The following DNAJC5 variants were observed in gnomAD, a reference collection of about 807,000 sequenced individuals.
DNAJC5 encodes DnaJ heat shock protein family (Hsp40) member C5.
DNAJC5 carries 1 observed loss-of-function variant against 23.2 expected under a neutral mutation model. The ratio of observed to expected loss-of-function variants is 0.04; its 90% confidence interval spans 0.02 to 0.20. The LOEUF (loss-of-function observed/expected upper bound fraction) is 0.20, where lower values mean the gene tolerates loss of function less well. Among genes scored for constraint, DNAJC5 ranks in the 10% least tolerant of loss-of-function variants. DNAJC5 has a pLI of 1.00. For synonymous variants in DNAJC5, 136 were observed against 120.0 expected (o/e 1.13, Z -0.87); for missense variants, 180 against 267.0 (o/e 0.67, Z 2.27).
At chr20:63,925,968 C>T (rs1368542481) in intron 1 of DNAJC5, among the ~76,000 whole-genome samples, 1 of 151,870 alleles carries the variant, frequency 6.6e-6, no homozygotes, top group Non-Finnish European at 1.5e-5. Context: ...GCTGGGACTA[C>T]AGGTGCCTGC....
At position 63,932,593 on chromosome 20, in the gene DNAJC5, C is replaced by G. The variant is rs1438428874; in HGVS notation, c.*1025C>G. The stretch of plus-strand genomic sequence containing the variant: ...ACTGGGGACGGGGGCTCTCCCACGA[C>G]CCCTCCTCCTGTGTTTGCCAGAGCT... On this transcript the variant is annotated 3_prime_UTR_variant, in exon 5 of 5. Coordinates refer to ENST00000360864, the MANE Select transcript of DNAJC5 (RefSeq NM_025219.3). The surrounding 1 kb of genome is among the most constrained non-coding windows in gnomAD (Gnocchi z 4.4). 1 of 152,620 alleles carries G rather than the reference C, an allele frequency of 6.6e-6. No individual in the cohort carries two copies. The highest frequency in any genetic ancestry group is 2.4e-5 in the African/African-American group (1 of 41,458). 9.5% of individuals were successfully genotyped at this position (152,620 alleles called of 1,614,324 possible).
intron 1 of DNAJC5, among the ~76,000 whole-genome samples, chr20:63,910,988 A>G (rs2053479576): frequency 6.6e-6 from 1 of 152,156 alleles, no homozygotes; most frequent in Non-Finnish European, 1.5e-5. Flanking sequence ...CTTTGTATTC[A>G]AATGTATATC....
At position 63,931,128 on chromosome 20, in the gene DNAJC5, C is replaced by T. The variant is rs770943338; in HGVS notation, c.493+106C>T. The T allele has an allele frequency of 8.7e-6, 11 of 1,260,476 alleles. No homozygotes were observed. The highest frequency in any genetic ancestry group is 4.9e-5 in the East Asian group (2 of 40,982). The allele number at this position is 1,260,476 out of a possible 1,614,324, so 78.1% of individuals were successfully genotyped here. A position where few individuals can be genotyped will look rare whatever the true frequency, so the allele number is the denominator to read the frequency against. On this transcript the variant is annotated intron_variant, in intron 4 of 4. Coordinates refer to ENST00000360864, the MANE Select transcript of DNAJC5 (RefSeq NM_025219.3). This position sits in a 1 kb window ranked among gnomAD's most constrained non-coding sequence, Gnocchi z 9.6. ...AAACAGGAGGGCACTGACACTGTGC[C>T]GCGAGTGTTTGTGGTGGCAGCTGGG... is the stretch of plus-strand genomic sequence containing the variant.
chr20:63,923,416 T>G (rs1267677583), intron 1 of DNAJC5, among the ~76,000 whole-genome samples: 2 of 150,098 alleles, frequency 1.3e-5, no homozygotes, highest in African/African-American at 4.9e-5. Flanking sequence ...CACTCCAGCC[T>G]GGGCAACAGA....
chr20:63,919,324 A>T (rs961927795), intron 1 of DNAJC5: 1 of 497,106 alleles, frequency 2.0e-6, no homozygotes, highest in Admixed American at 2.0e-5. Context: ...GATGCATCGT[A>T]ACTGTTGAGC....
chr20:63,910,361 G>A (rs2053474752), intron 1 of DNAJC5, among the ~76,000 whole-genome samples: 1 of 152,008 alleles, frequency 6.6e-6, no homozygotes, highest in Non-Finnish European at 1.5e-5. Flanking sequence ...TGGCTAACAC[G>A]GTGAAACCCC....
chr20:63,927,942 T>A (rs1007829358), intron 1 of DNAJC5, among the ~76,000 whole-genome samples: 6 of 152,208 alleles, frequency 3.9e-5, no homozygotes, highest in Non-Finnish European at 4.4e-5. Context: ...TTAATTAATT[T>A]ATTTTGTTTA....
At position 63,933,796 on chromosome 20, in the gene DNAJC5, C is replaced by T. The variant is rs1399909227; in HGVS notation, c.*2228C>T. On this transcript the variant is annotated 3_prime_UTR_variant, in exon 5 of 5. Transcript: ENST00000360864. ...CCCATCGGGGGCCCTAGCTCAGCCCCACCAGGCCCTCTGTTGGGCCTGCAC... is the reference window on the plus strand; with the variant it reads ...CCCATCGGGGGCCCTAGCTCAGCCCTACCAGGCCCTCTGTTGGGCCTGCAC... 1 of 152,420 alleles carries T rather than the reference C, an allele frequency of 6.6e-6. No homozygotes were observed. Among genetic ancestry groups the T allele is most frequent in the Non-Finnish European group, 1.5e-5 (1 of 68,062 alleles). The allele number at this position is 152,420 out of a possible 1,614,324, so 9.4% of individuals were successfully genotyped here.
At position 63,928,197 on chromosome 20, in the gene DNAJC5, T is replaced by G; in HGVS notation, c.-11-138T>G. On this transcript the variant is annotated intron_variant, in intron 1 of 4. Transcript: ENST00000360864. The surrounding 1 kb of genome is among the most constrained non-coding windows in gnomAD (Gnocchi z 4.6). Reference sequence around the variant, plus strand: ...ACACTTCTCCATGCCATGGCGTCTGTCTGTGCACGTGGCAAACTCCACAAG... The same window carrying G: ...ACACTTCTCCATGCCATGGCGTCTGGCTGTGCACGTGGCAAACTCCACAAG... 1 of 710,134 alleles carries G rather than the reference T, an allele frequency of 1.4e-6. No homozygotes were observed. Among genetic ancestry groups the G allele is most frequent in the Non-Finnish European group, 2.5e-6 (1 of 400,438 alleles). The allele number at this position is 710,134 out of a possible 1,614,324, so 44.0% of individuals were successfully genotyped here.
In DNAJC5 at chr20:63,933,250, A is replaced by G. The variant is rs891615469; in HGVS notation, c.*1682A>G. On this transcript the variant is annotated 3_prime_UTR_variant, in exon 5 of 5. Transcript: ENST00000360864. ...AGCTCACTCATTGCCCTCAGCAGCCACCCGAGGCTGTGCAGAAGGGTAGGT... is the reference window on the plus strand; with the variant it reads ...AGCTCACTCATTGCCCTCAGCAGCCGCCCGAGGCTGTGCAGAAGGGTAGGT... The G allele has an allele frequency of 6.6e-6, 1 of 152,418 alleles. No homozygotes were observed. Among genetic ancestry groups the G allele is most frequent in the African/African-American group, 2.4e-5 (1 of 41,426 alleles). The allele number at this position is 152,418 out of a possible 1,614,324, so 9.4% of individuals were successfully genotyped here.
At chr20:63,895,811 C>T (rs979671348) in intron 1 of DNAJC5, among the ~76,000 whole-genome samples, 1 of 152,184 alleles carries the variant, frequency 6.6e-6, no homozygotes, top group East Asian at 1.9e-4. Flanking sequence ...TTAATCTTTC[C>T]GACGTTGTAA....
At chr20:63,899,653 C>T (rs924044694) in intron 1 of DNAJC5, among the ~76,000 whole-genome samples, 1 of 152,184 alleles carries the variant, frequency 6.6e-6, no homozygotes, top group Non-Finnish European at 1.5e-5. Flanking sequence ...GTGACCTTGG[C>T]TCACTGCAAC....
chr20:63,902,482 C>G (rs955485424), intron 1 of DNAJC5, among the ~76,000 whole-genome samples: 7 of 150,508 alleles, frequency 4.7e-5, no homozygotes, highest in African/African-American at 7.4e-5. Context: ...GATTCTCCAG[C>G]CTCAGCCTCC....
intron 1 of DNAJC5, among the ~76,000 whole-genome samples, chr20:63,897,577 AAAAT>A (rs1474390830): frequency 5.9e-5 from 9 of 152,164 alleles, no homozygotes; most frequent in African/African-American, 2.2e-4. Flanking sequence ...CAAATAAATA[AAAAT>A]AAATAAAAAG....
intron 1 of DNAJC5, among the ~76,000 whole-genome samples, chr20:63,916,160 C>T (rs982953649): frequency 2.0e-5 from 3 of 152,288 alleles, no homozygotes; most frequent in Non-Finnish European, 4.4e-5. Context: ...GTTGGTCAGG[C>T]TGGTCTCAAA....
chr20:63,908,791 C>A lies in DNAJC5; in HGVS notation c.-12+13468C>A, dbSNP rs550277385. 2.6e-5 allele frequency among the ~76,000 whole-genome samples: 4 copies of A among 152,068 alleles called. No individual in the cohort carries two copies. The South Asian group carries it at 6.2e-4, about 24-fold the overall frequency. ...CCCCAGCCTGGGTGACAGAGTGAGA[C>A]CCCATCTCAAAAAGAAAAGAAAAGA... On this transcript the variant is annotated intron_variant, in intron 1 of 4. Transcript: ENST00000360864.
At chr20:63,911,729 G>T (rs1315305419) in intron 1 of DNAJC5, among the ~76,000 whole-genome samples, 1 of 151,616 alleles carries the variant, frequency 6.6e-6, no homozygotes, top group East Asian at 1.9e-4. Flanking sequence ...GCTGGAGTGC[G>T]GTGGCGCGAT....
rs568560065 is a variant in DNAJC5 at position 63,898,593 on chromosome 20, C to T, written c.-12+3270C>T. Among the ~76,000 whole-genome samples the T allele has an allele frequency of 3.9e-5, 6 of 152,226 alleles. No individual in the cohort carries two copies. In the South Asian group the frequency reaches 1.0e-3, roughly 26 times the overall value. On this transcript the variant is annotated intron_variant, in intron 1 of 4. Coordinates refer to ENST00000360864, the MANE Select transcript of DNAJC5 (RefSeq NM_025219.3). ...GCACGGTGGCTCACACCAGTAATCC[C>T]AGCACTTTGGGAGGCCGAGGCGGGC...
At chr20:63,898,631 C>T (rs146658314) in intron 1 of DNAJC5, among the ~76,000 whole-genome samples, 8 of 152,212 alleles carry the variant, frequency 5.3e-5, no homozygotes, top group South Asian at 2.1e-4. Context: ...ATCTTGAGAT[C>T]GAGAGATCGA....
Sources: gnomAD v4.1 joint callset for allele counts (sites outside exome capture counted in the v4.1 genomes callset) on GRCh38, gnomAD v4.1.1 for gene constraint, Gnocchi (gnomAD v3.1) non-coding constraint, MANE v1.5 for transcripts, NCBI Gene and HGNC (gene_info 2026-07-23, HGNC 2026-07-21) for gene names.